The following ATP8B4 variants were observed in gnomAD, a reference collection of about 807,000 sequenced individuals.
ATP8B4 encodes probable phospholipid-transporting ATPase IM.
Under a neutral mutation model 145.6 loss-of-function variants are expected in ATP8B4, and 133 were observed. That is an observed-to-expected ratio of 0.91 (90% CI 0.79 to 1.05). ATP8B4 has a LOEUF of 1.05. ATP8B4 is among the 50% of genes least tolerant of loss of function. The probability of loss-of-function intolerance (pLI) is 0.00; values close to 1 mark genes in which losing one functional copy is unlikely to be tolerated. For synonymous variants in ATP8B4, 507 were observed against 492.9 expected (o/e 1.03, Z -0.38); for missense variants, 1,458 against 1,425.2 (o/e 1.02, Z -0.37).
chr15:49,931,397 C>A, intron 15 of ATP8B4, 90 bp from the exon 16 acceptor site: 1 of 1,230,594 alleles, frequency 8.1e-7, no homozygotes, highest in Non-Finnish European at 1.1e-6. Context: ...TATTTAACAC[C>A]CAACTCAAGC....
chr15:50,088,648 T>G (rs2055384203), intron 2 of ATP8B4, among the ~76,000 whole-genome samples: 1 of 152,224 alleles, frequency 6.6e-6, no homozygotes, highest in South Asian at 2.1e-4. Flanking sequence ...TAGAAGATTA[T>G]TTATTCATTT....
intron 9 of ATP8B4, among the ~76,000 whole-genome samples, chr15:49,994,839 T>C (rs1372285339): frequency 2.0e-5 from 3 of 152,120 alleles, no homozygotes; most frequent in African/African-American, 7.2e-5. Flanking sequence ...TCATACTTGT[T>C]ATTTCCTAGC....
chr15:50,174,551 C>CA (rs35979987), intron 1 of ATP8B4, among the ~76,000 whole-genome samples: 3,261 of 80,184 alleles, frequency 0.041, 31 homozygotes, highest in Middle Eastern at 0.074. Flanking sequence ...ACAATCACTG[C>CA]AAAAAAAAAA....
Position 49,920,310 on chromosome 15 carries a change from G to A in ATP8B4, c.1859C>T (p.Ala620Val). Residue 620 changes from alanine to valine, a missense_variant, in exon 18 of 28, where the codon GCT becomes GTT. Transcript: ENST00000284509. ...TCGTTCATCCCTCTCTTCTGTGGCA[G>A]CATTCGCATCTTCAAGCATCTTATG... ...EWHKMLEDAN[A>V]ATEERDERIA... is the part of the protein sequence containing the mutation. The A allele has an allele frequency of 6.2e-7, 1 of 1,614,150 alleles. No homozygotes were observed. The highest frequency in any genetic ancestry group is 2.2e-5 in the East Asian group (1 of 44,880).
chr15:49,867,568 C>T (rs1045309992), intron 25 of ATP8B4, among the ~76,000 whole-genome samples: 1 of 152,210 alleles, frequency 6.6e-6, no homozygotes, highest in Non-Finnish European at 1.5e-5. Flanking sequence ...AAATCTCCAA[C>T]TTTACCTTCC....
At chr15:49,862,806 TAAG>T (rs2032090083) in intron 26 of ATP8B4, among the ~76,000 whole-genome samples, 1 of 152,146 alleles carries the variant, frequency 6.6e-6, no homozygotes, top group African/African-American at 2.4e-5. Flanking sequence ...ACCATGATGA[TAAG>T]AAGGCAGAAG....
intron 24 of ATP8B4, chr15:49,876,757 G>C: frequency 1.5e-6 from 1 of 683,222 alleles, no homozygotes; most frequent in South Asian, 1.5e-5. Context: ...TTCATGAGAG[G>C]TCACACAGCT....
At chr15:49,939,366 A>G (rs763629656) in intron 14 of ATP8B4, among the ~76,000 whole-genome samples, 12 of 152,050 alleles carry the variant, frequency 7.9e-5, no homozygotes, top group Non-Finnish European at 1.0e-4. Flanking sequence ...CAAGATTAAC[A>G]AAGAAAAAAA....
chr15:50,037,744 G>A lies in ATP8B4; in HGVS notation c.362+1024C>T, dbSNP rs1289497782. On this transcript the variant is annotated intron_variant, in intron 6 of 27. Transcript: ENST00000284509. ...GTCACACCAGGATCACACTTTCCAA[G>A]GCTCTGTCTCTACAACTATGGTTTT... Among the ~76,000 whole-genome samples, 4 of 152,082 alleles carry A rather than the reference G, an allele frequency of 2.6e-5. No homozygotes were observed. The East Asian group carries it at 7.7e-4, about 29-fold the overall frequency.
At chr15:50,162,797 C>T (rs925106350) in intron 1 of ATP8B4, among the ~76,000 whole-genome samples, 11 of 152,186 alleles carry the variant, frequency 7.2e-5, no homozygotes, top group Admixed American at 2.0e-4. Flanking sequence ...TGAGCCACCG[C>T]GCCCGGCCTC....
rs181648852 is a variant in ATP8B4, at chr15:49,916,457, T to C, written c.2141+477A>G. The stretch of plus-strand genomic sequence containing the variant: ...GACTCTATTCCATCTTTATATGCTG[T>C]TTACAGCTGTTTCCCAAACTTATCT... On this transcript the variant is annotated intron_variant, in intron 20 of 27. Transcript: ENST00000284509. 7.0e-4 allele frequency among the ~76,000 whole-genome samples: 107 copies of C among 152,336 alleles called. 1 individual carries two copies. The highest frequency in any genetic ancestry group is 2.4e-3 in the African/African-American group (100 of 41,580).
chr15:49,883,976 G>A (rs2035835489), intron 23 of ATP8B4, among the ~76,000 whole-genome samples: 1 of 152,098 alleles, frequency 6.6e-6, no homozygotes, highest in African/African-American at 2.4e-5. Flanking sequence ...AGATGATATA[G>A]AACCCAGGTG....
chr15:49,875,117 CA>C (rs2034207518), intron 25 of ATP8B4, among the ~76,000 whole-genome samples: 1 of 152,210 alleles, frequency 6.6e-6, no homozygotes, highest in Non-Finnish European at 1.5e-5. Context: ...CATGCACACA[CA>C]CATACACACA....
intron 3 of ATP8B4, among the ~76,000 whole-genome samples, chr15:50,073,001 TATATATATATATATATATACACACAC>T (rs1447588424): frequency 1.1e-4 from 6 of 56,726 alleles, no homozygotes; most frequent in East Asian, 6.5e-4. Context: ...TATATATATA[TATATATATATATATATATACACACAC>T]ACACACACAC....
chr15:49,877,011 G>A (rs2034552310), intron 24 of ATP8B4, among the ~76,000 whole-genome samples: 1 of 152,224 alleles, frequency 6.6e-6, no homozygotes, highest in African/African-American at 2.4e-5. Flanking sequence ...TTGGAGGGAA[G>A]TGAGCAGGAA....
chr15:49,865,155 T>C (rs186722095), intron 26 of ATP8B4, among the ~76,000 whole-genome samples: 28 of 152,256 alleles, frequency 1.8e-4, no homozygotes, highest in African/African-American at 6.7e-4. Context: ...GAAGGTTAAA[T>C]TGATCACCAA....
At chr15:49,908,019 C>T (rs774175239) in intron 20 of ATP8B4, 21 of 455,976 alleles carry the variant, frequency 4.6e-5, no homozygotes, top group Admixed American at 2.1e-4. Flanking sequence ...ACCTGAACCA[C>T]GGACTACTTT....
intron 2 of ATP8B4, among the ~76,000 whole-genome samples, chr15:50,088,159 G>A (rs905419039): frequency 1.3e-4 from 19 of 151,990 alleles, no homozygotes; most frequent in African/African-American, 2.7e-4. Context: ...AGGCCAAGGC[G>A]GGTGGATCAC....
Position 49,934,076 on chromosome 15 carries a change from T to A in ATP8B4, c.1394A>T (p.His465Leu). 6.2e-7 allele frequency: 1 copy of A among 1,612,822 alleles called. No homozygotes were observed. The highest frequency in any genetic ancestry group is 1.3e-5 in the African/African-American group (1 of 74,976). Residue 465 changes from histidine (H) to leucine (L), a missense_variant, in exon 15 of 28, where the codon CAT becomes CTT. Physicochemically the swap from His to Leu is moderately conservative, Grantham distance 99 (BLOSUM62 -3). Transcript: ENST00000284509. ...GAGAGCAAGTAACCTAAGGAATTCA[T>A]GAACTTTGGGATCACCCATTTTAAT... ...ESIKMGDPKV[H>L]EFLRLLALCH...
Sources: allele counts gnomAD v4.1 joint callset (sites outside exome capture counted in the v4.1 genomes callset), GRCh38; gene constraint gnomAD v4.1.1; transcripts MANE v1.5; gene names NCBI Gene and HGNC (gene_info 2026-07-23, HGNC 2026-07-21).